Variants in GSE1 observed in about 807,000 individuals in gnomAD.
GSE1 encodes genetic suppressor element 1.
Under a neutral mutation model 112.6 loss-of-function variants are expected in GSE1, and 32 were observed. The observed-to-expected ratio is 0.28, with a 90% CI of 0.21 to 0.38. GSE1 has a LOEUF of 0.38. GSE1 is among the 10% of genes least tolerant of loss of function. The pLI, the probability that GSE1 is intolerant of heterozygous loss-of-function variation, is 1.00. For synonymous variants in GSE1, 1,115 were observed against 735.6 expected, an observed-to-expected ratio of 1.52 and a Z score of -8.35; for missense variants, 2,348 against 1,699.2, an observed-to-expected ratio of 1.38 and a Z score of -6.71.
intron 2 of GSE1, among the ~76,000 whole-genome samples, chr16:85,542,407 ACTGCAC>A (rs992879972): frequency 6.6e-6 from 1 of 152,166 alleles, no homozygotes. Flanking sequence ...CCAGAGCCAC[ACTGCAC>A]CTGCCACAGG....
chr16:85,635,664 G>A (rs1393618573), intron 2 of GSE1, among the ~76,000 whole-genome samples: 1 of 152,192 alleles, frequency 6.6e-6, no homozygotes, highest in Non-Finnish European at 1.5e-5. Context: ...AGCGTTTGGG[G>A]GCAGGAGAAC....
intron 1 of GSE1, among the ~76,000 whole-genome samples, chr16:85,222,675 C>T (rs549721138): frequency 2.0e-5 from 3 of 152,258 alleles, no homozygotes; most frequent in South Asian, 2.1e-4. Context: ...GTCCAGGAAA[C>T]GGAAAACGTG....
intron 12 of GSE1, 64 bp from the exon 13 acceptor site, chr16:85,665,912 G>C: frequency 3.3e-6 from 5 of 1,502,548 alleles, no homozygotes; most frequent in Non-Finnish European, 4.6e-6. Flanking sequence ...CAGGATCTGC[G>C]TGCTGGACAC....
At chr16:85,296,066 A>C (rs914372388) in intron 1 of GSE1, among the ~76,000 whole-genome samples, 1 of 152,152 alleles carries the variant, frequency 6.6e-6, no homozygotes, top group Non-Finnish European at 1.5e-5. Context: ...CAGGCTGAGA[A>C]CCAGGAGGCC....
chr16:85,628,417 T>C (rs774300509), intron 1 of GSE1, among the ~76,000 whole-genome samples: 1 of 152,020 alleles, frequency 6.6e-6, no homozygotes, highest in Non-Finnish European at 1.5e-5. Context: ...GGGGAGCAGA[T>C]ATTGGGCTTT....
intron 2 of GSE1, among the ~76,000 whole-genome samples, chr16:85,639,197 G>A (rs1333473798): frequency 1.1e-4 from 17 of 152,180 alleles, no homozygotes; most frequent in African/African-American, 4.8e-5. Context: ...GGACGTCCCC[G>A]GGGCCGCCCA....
At chr16:85,513,295 A>T (rs1311905823) in intron 2 of GSE1, among the ~76,000 whole-genome samples, 4 of 151,314 alleles carry the variant, frequency 2.6e-5, no homozygotes, top group Admixed American at 2.0e-4. Flanking sequence ...ATGAACCCGG[A>T]CTCTAGCCTA....
intron 2 of GSE1, among the ~76,000 whole-genome samples, chr16:85,548,230 A>G (rs1479514560): frequency 1.6e-5 from 2 of 122,452 alleles, no homozygotes; most frequent in Non-Finnish European, 3.5e-5. Context: ...TCTTTCTCAA[A>G]AAAAAAAAAA....
At chr16:85,259,265 TGCCCTGTGCTCCACCCTGGCCC>T (rs1351288930) in intron 1 of GSE1, among the ~76,000 whole-genome samples, 1 of 151,350 alleles carries the variant, frequency 6.6e-6, no homozygotes, top group Non-Finnish European at 1.5e-5. Flanking sequence ...GCCCCCGTCC[TGCCCTGTGCTCCACCCTGGCCC>T]ACCCTGTGCT....
intron 2 of GSE1, among the ~76,000 whole-genome samples, chr16:85,522,316 G>C (rs73267280): frequency 0.029 from 4,476 of 151,978 alleles, 123 homozygotes; most frequent in South Asian, 0.13. Flanking sequence ...GACTGGGTCA[G>C]GTATAAAAGA....
At chr16:85,324,557 C>G (rs1244960819) in intron 1 of GSE1, among the ~76,000 whole-genome samples, 1 of 151,282 alleles carries the variant, frequency 6.6e-6, no homozygotes, top group Non-Finnish European at 1.5e-5. Context: ...ATCGGTTCCA[C>G]AAAAGCCTGT....
At chr16:85,231,847 A>C (rs887656510) in intron 1 of GSE1, among the ~76,000 whole-genome samples, 1 of 152,246 alleles carries the variant, frequency 6.6e-6, no homozygotes, top group African/African-American at 2.4e-5. Flanking sequence ...ATCTGAAAAA[A>C]GCTAGAAGGC....
At chr16:85,191,716 G>T (rs2074826236) in intron 1 of GSE1, among the ~76,000 whole-genome samples, 2 of 152,194 alleles carry the variant, frequency 1.3e-5, no homozygotes, top group Non-Finnish European at 2.9e-5. Flanking sequence ...GATGGGCTCC[G>T]AGTAGAGGCC....
intron 2 of GSE1, among the ~76,000 whole-genome samples, chr16:85,417,129 A>G (rs1392125775): frequency 6.6e-6 from 1 of 152,088 alleles, no homozygotes; most frequent in Admixed American, 6.6e-5. Flanking sequence ...ATTACAAATT[A>G]TAGTTCAAAT....
At chr16:85,421,405 A>T (rs1366237811) in intron 2 of GSE1, among the ~76,000 whole-genome samples, 1 of 152,038 alleles carries the variant, frequency 6.6e-6, no homozygotes, top group Non-Finnish European at 1.5e-5. Flanking sequence ...AGAAAAGAGC[A>T]CAGCAAGCAG....
chr16:85,322,245 G>T (rs894953118), intron 1 of GSE1, among the ~76,000 whole-genome samples: 2 of 144,770 alleles, frequency 1.4e-5, no homozygotes, highest in African/African-American at 2.5e-5. Context: ...ATCCCTGGAG[G>T]CCAGTCTGGG....
chr16:85,635,312 C>T (rs1312140569), intron 2 of GSE1, among the ~76,000 whole-genome samples: 1 of 152,190 alleles, frequency 6.6e-6, no homozygotes. Flanking sequence ...CAGCCCCTCG[C>T]CTCCTGGCTC....
At chr16:85,528,510 G>C (rs924834939) in intron 2 of GSE1, among the ~76,000 whole-genome samples, 7 of 149,614 alleles carry the variant, frequency 4.7e-5, no homozygotes, top group Non-Finnish European at 8.9e-5. Context: ...TTTTAGTAGA[G>C]ATGAGATCTC....
At position 85,575,261 on chromosome 16, in the gene GSE1, C is replaced by A. The variant is rs975278719; in HGVS notation, c.37+18898C>A. ...CCTCTGCAACCTGCGGTGCTCCCAG[C>A]TTTGGCTGTGGCGAGCAGCTTTCAA... On this transcript the variant is annotated intron_variant, in intron 1 of 2. Coordinates refer to the GSE1 transcript ENST00000635906. 1.6e-4 allele frequency among the ~76,000 whole-genome samples: 24 copies of A among 152,336 alleles called. 1 individual carries two copies. Among genetic ancestry groups the A allele is most frequent in the Admixed American group, 1.6e-3 (24 of 15,308 alleles).
Sources: gnomAD v4.1 joint callset for allele counts (sites outside exome capture counted in the v4.1 genomes callset) on GRCh38, gnomAD v4.1.1 for gene constraint, MANE v1.5 for transcripts, NCBI Gene and HGNC (gene_info 2026-07-23, HGNC 2026-07-21) for gene names.